The following SYT7 variants were observed in gnomAD, a reference collection of about 807,000 sequenced individuals.
SYT7 encodes synaptotagmin 7, also known as synaptotagmin-7.
In SYT7, 29 loss-of-function variants were observed where a neutral mutation model predicts 75.1. That is an observed-to-expected ratio of 0.39 (90% confidence interval 0.29 to 0.53). The LOEUF is 0.53. Among genes scored for constraint, SYT7 ranks in the 20% least tolerant of loss-of-function variants. SYT7 has a pLI of 0.77. For synonymous variants in SYT7, 376 were observed against 401.7 expected, an observed-to-expected ratio of 0.94 and a Z score of 0.76; for missense variants, 693 against 953.2, an observed-to-expected ratio of 0.73 and a Z score of 3.59.
intron 1 of SYT7, among the ~76,000 whole-genome samples, chr11:61,557,458 C>T (rs2063528541): frequency 1.3e-5 from 2 of 152,194 alleles, no homozygotes; most frequent in South Asian, 4.1e-4. Flanking sequence ...CCAGCAGTCA[C>T]CCTCAGGGAT....
At chr11:61,547,593 G>A (rs895545208) in intron 3 of SYT7, among the ~76,000 whole-genome samples, 1 of 151,980 alleles carries the variant, frequency 6.6e-6, no homozygotes, top group Non-Finnish European at 1.5e-5. Context: ...AGCGGCAGGC[G>A]GCAGACTGGA....
rs572475975 is a variant in SYT7, at chr11:61,517,684, C to T, written c.*943G>A. ...ATGAAGGAGTTAGGGCAAAGCTAGT[C>T]GGGGCTCGGGACCCCCTGAGAAGGA... is the stretch of plus-strand genomic sequence containing the variant. On this transcript the variant is annotated 3_prime_UTR_variant, in exon 13 of 13. Coordinates refer to ENST00000539008, the MANE Select transcript of SYT7 (RefSeq NM_001365809.2). 363 of 398,160 alleles carry T rather than the reference C, an allele frequency of 9.1e-4. 2 individuals are homozygous for T. Among genetic ancestry groups the T allele is most frequent in the Middle Eastern group, 4.4e-3 (7 of 1,588 alleles). The allele number at this position is 398,160 out of a possible 1,614,324, so 24.7% of individuals were successfully genotyped here.
chr11:61,534,435 GCA>G (rs1167722454), intron 7 of SYT7, among the ~76,000 whole-genome samples: 13 of 6,688 alleles, frequency 1.9e-3, no homozygotes, highest in South Asian at 0.02. Context: ...ATACACACAC[GCA>G]CACGCACGCA....
In SYT7 at chr11:61,524,400, G is replaced by T; in HGVS notation, c.1604C>A (p.Thr535Asn). ...LNKVDLTQMQTFWKDLKPCSD... is the reference protein window; with the variant it reads ...LNKVDLTQMQNFWKDLKPCSD... ...GCATGGCTTCAGATCCTTCCAGAAG[G>T]TCTGCATCTGGGTCAGGTCCACCTT... Residue 535 changes from threonine (T) to asparagine (N), a missense_variant, in exon 10 of 13, where the codon ACC becomes AAC. Physicochemically the swap from Thr to Asn is moderately conservative, Grantham distance 65. Transcript: ENST00000539008. The surrounding 1 kb of genome is among the most constrained non-coding windows in gnomAD (Gnocchi z 4.1). 5.0e-6 allele frequency: 8 copies of T among 1,614,120 alleles called. No homozygotes were observed. The highest frequency in any genetic ancestry group is 6.8e-6 in the Non-Finnish European group (8 of 1,179,976).
chr11:61,528,267 A>T (rs1323634239), intron 8 of SYT7, 82 bp from the exon 9 acceptor site: 1 of 1,523,520 alleles, frequency 6.6e-7, no homozygotes, highest in Non-Finnish European at 8.8e-7. Context: ...CACGGGTGAG[A>T]GGCCAGAGGC....
intron 1 of SYT7, among the ~76,000 whole-genome samples, chr11:61,577,471 A>T (rs2064115764): frequency 6.6e-6 from 1 of 152,110 alleles, no homozygotes; most frequent in Non-Finnish European, 1.5e-5. Context: ...CTGGCCTCTA[A>T]CCCAGGTGTT....
At position 61,538,350 on chromosome 11, in the gene SYT7, A is replaced by AGGGAGG; in HGVS notation, c.942-85_942-84insCCTCCC. 5.3e-6 allele frequency: 3 copies of AGGGAGG among 571,306 alleles called. No homozygotes were observed. In the African/African-American group the frequency reaches 6.8e-5, roughly 13 times the overall value. 35.4% of individuals were successfully genotyped at this position (571,306 alleles called of 1,614,324 possible). On this transcript the variant is annotated intron_variant, in intron 6 of 12. Transcript: ENST00000539008. Reference sequence around the variant, plus strand: ...GCAGGGGGGAAGGAGAGAGAGGGAGAGAGAGAGAGAGAGAGAGAGAGAGAG... The same window carrying AGGGAGG: ...GCAGGGGGGAAGGAGAGAGAGGGAGAGGGAGGGAGAGAGAGAGAGAGAGAGAGAGAG...
At chr11:61,528,699 G>A (rs2062607226) in intron 8 of SYT7, among the ~76,000 whole-genome samples, 1 of 152,156 alleles carries the variant, frequency 6.6e-6, no homozygotes, top group Non-Finnish European at 1.5e-5. Flanking sequence ...TGCGGAGAAT[G>A]GTGTGATTTA....
At chr11:61,538,868 G>A (rs923682221) in intron 6 of SYT7, among the ~76,000 whole-genome samples, 6 of 152,220 alleles carry the variant, frequency 3.9e-5, no homozygotes, top group South Asian at 2.1e-4. Flanking sequence ...CATAGACAAC[G>A]CTGTGTCATG....
At chr11:61,578,571 G>A (rs1452423959) in intron 1 of SYT7, among the ~76,000 whole-genome samples, 1 of 152,138 alleles carries the variant, frequency 6.6e-6, no homozygotes, top group Non-Finnish European at 1.5e-5. Context: ...CAGAGCCCTG[G>A]CTTGGGGAGC....
At chr11:61,567,255 C>T (rs1170824832) in intron 1 of SYT7, among the ~76,000 whole-genome samples, 2 of 152,146 alleles carry the variant, frequency 1.3e-5, no homozygotes, top group African/African-American at 4.8e-5. Flanking sequence ...AATGCAGGGT[C>T]TAAGATTCCC....
chr11:61,558,928 G>A (rs2063571589), intron 1 of SYT7, among the ~76,000 whole-genome samples: 1 of 152,166 alleles, frequency 6.6e-6, no homozygotes, highest in Admixed American at 6.5e-5. Context: ...ATTTTTAGTA[G>A]ATATGGGATT....
At chr11:61,562,068 G>A (rs561293693) in intron 1 of SYT7, among the ~76,000 whole-genome samples, 100 of 150,698 alleles carry the variant, frequency 6.6e-4, no homozygotes, top group Middle Eastern at 3.4e-3. Flanking sequence ...ACACACACAC[G>A]CACGCACGTA....
chr11:61,530,203 T>C (rs2062661917), intron 8 of SYT7, among the ~76,000 whole-genome samples: 2 of 152,154 alleles, frequency 1.3e-5, no homozygotes, highest in Non-Finnish European at 2.9e-5. Flanking sequence ...GAATCCTGAG[T>C]GCCCTTCCAC....
rs1466406571 is a variant in SYT7 at position 61,546,953 on chromosome 11, C to T, written c.347+224G>A. On this transcript the variant is annotated intron_variant, in intron 4 of 12. Coordinates refer to ENST00000539008, the MANE Select transcript of SYT7 (RefSeq NM_001365809.2). The surrounding 1 kb of genome is among the most constrained non-coding windows in gnomAD (Gnocchi z 7.6). Reference sequence around the variant, plus strand: ...AGGGGGCTCTCCTGCAAGGCTGGCCCTGGGGGAGGGGACGGGAGCGGGCAG... The same window carrying T: ...AGGGGGCTCTCCTGCAAGGCTGGCCTTGGGGGAGGGGACGGGAGCGGGCAG... Among the ~76,000 whole-genome samples the T allele has an allele frequency of 6.6e-6, 1 of 151,808 alleles. No individual in the cohort carries two copies. Among genetic ancestry groups the T allele is most frequent in the Non-Finnish European group, 1.5e-5 (1 of 67,930 alleles).
At chr11:61,533,813 C>G (rs2135159901) in intron 7 of SYT7, 1 of 307,470 alleles carries the variant, frequency 3.3e-6, no homozygotes, top group Middle Eastern at 1.8e-3. Flanking sequence ...TGAATGTAAG[C>G]TCATTTAGTT....
chr11:61,558,808 T>C (rs2063569068), intron 1 of SYT7, among the ~76,000 whole-genome samples: 1 of 152,122 alleles, frequency 6.6e-6, no homozygotes, highest in African/African-American at 2.4e-5. Flanking sequence ...AGTGGCATGA[T>C]CTTGGCTCAC....
At position 61,517,087 on chromosome 11, in the gene SYT7, C is replaced by T; in HGVS notation, c.*1540G>A. On this transcript the variant is annotated 3_prime_UTR_variant, in exon 13 of 13. Coordinates refer to ENST00000539008, the MANE Select transcript of SYT7 (RefSeq NM_001365809.2). ...TGGGGGCTAAGACCACGGCCACAGACTGTGGGGGCCTGGCGCCACCTGGCG... is the reference window on the plus strand; with the variant it reads ...TGGGGGCTAAGACCACGGCCACAGATTGTGGGGGCCTGGCGCCACCTGGCG... 1 of 395,166 alleles carries T rather than the reference C, an allele frequency of 2.5e-6. No homozygotes were observed. 24.5% of individuals were successfully genotyped at this position (395,166 alleles called of 1,614,324 possible).
intron 1 of SYT7, among the ~76,000 whole-genome samples, chr11:61,571,004 C>T (rs1590949559): frequency 1.3e-5 from 2 of 152,130 alleles, no homozygotes; most frequent in East Asian, 3.8e-4. Flanking sequence ...GCTATTATTC[C>T]CTCCATTTTA....
Sources: gnomAD v4.1 joint callset for allele counts (sites outside exome capture counted in the v4.1 genomes callset) on GRCh38, gnomAD v4.1.1 for gene constraint, Gnocchi (gnomAD v3.1) non-coding constraint, MANE v1.5 for transcripts, NCBI Gene and HGNC (gene_info 2026-07-23, HGNC 2026-07-21) for gene names.